The following SRGAP2B variants were observed in gnomAD, a reference collection of about 807,000 sequenced individuals.
The protein encoded by SRGAP2B is SLIT-ROBO Rho GTPase activating protein 2B.
SRGAP2B carries 9 observed loss-of-function variants against 22.2 expected under a neutral mutation model. The observed-to-expected ratio is 0.41, with a 90% CI of 0.24 to 0.71. The LOEUF (loss-of-function observed/expected upper bound fraction) is 0.71, where lower values mean the gene tolerates loss of function less well. Among genes scored for constraint, SRGAP2B ranks in the 30% least tolerant of loss-of-function variants. The pLI is 0.35. For missense variants in SRGAP2B, 114 were observed against 235.8 expected, an observed-to-expected ratio of 0.48 and a Z score of 3.38; for synonymous variants, 36 against 87.4, an observed-to-expected ratio of 0.41 and a Z score of 3.28.
chr1:144,934,302 G>A lies in SRGAP2B; in HGVS notation c.424-19548C>T, dbSNP rs1444957471. 5.4e-5 allele frequency among the ~76,000 whole-genome samples: 8 copies of A among 148,154 alleles called. 1 individual carries two copies. Among genetic ancestry groups the A allele is most frequent in the Non-Finnish European group, 1.5e-5 (1 of 67,678 alleles). The stretch of plus-strand genomic sequence containing the variant: ...TACTATAATCCCAGCTACTCGGGAG[G>A]CTGAGGCAAGAGAATCACTTGAACC... On this transcript the variant is annotated intron_variant, in intron 4 of 9. Transcript: ENST00000612199.
At chr1:144,911,989 T>C (rs1168634709) in intron 5 of SRGAP2B, among the ~76,000 whole-genome samples, 49 of 113,460 alleles carry the variant, frequency 4.3e-4, no homozygotes, top group Middle Eastern at 0.014. Flanking sequence ...CTCGCTCTGT[T>C]GCCCAGGCTG....
intron 4 of SRGAP2B, among the ~76,000 whole-genome samples, chr1:144,925,098 G>A (rs1194976511): frequency 1.3e-5 from 2 of 148,906 alleles, no homozygotes; most frequent in East Asian, 3.9e-4. Context: ...CGCCTCCTGG[G>A]TTCAAGTGAT....
chr1:144,964,805 G>A (rs1553611860), intron 3 of SRGAP2B, among the ~76,000 whole-genome samples: 1 of 150,626 alleles, frequency 6.6e-6, no homozygotes, highest in Admixed American at 6.6e-5. Flanking sequence ...TGTACTCCTG[G>A]CTACTCGGGA....
chr1:144,920,301 T>G (rs1355807753), intron 4 of SRGAP2B, among the ~76,000 whole-genome samples: 1 of 150,626 alleles, frequency 6.6e-6, no homozygotes, highest in Non-Finnish European at 1.5e-5. Flanking sequence ...GGTCTTGCTC[T>G]ATTGCCCAGG....
intron 3 of SRGAP2B, among the ~76,000 whole-genome samples, chr1:144,984,365 C>CAAAAAAA (rs57268593): frequency 8.7e-5 from 11 of 126,408 alleles, no homozygotes; most frequent in Non-Finnish European, 1.5e-4. Context: ...ACAACAACAA[C>CAAAAAAA]AAAAAAAAAA....
chr1:144,943,846 A>G (rs1666259686), intron 4 of SRGAP2B, among the ~76,000 whole-genome samples: 1 of 149,902 alleles, frequency 6.7e-6, no homozygotes, highest in Non-Finnish European at 1.5e-5. Context: ...TAAAACTAAA[A>G]GTCTCATGTC....
intron 2 of SRGAP2B, among the ~76,000 whole-genome samples, chr1:145,068,227 A>G (rs1349945568): frequency 7.0e-6 from 1 of 143,174 alleles, no homozygotes; most frequent in Non-Finnish European, 1.5e-5. Context: ...AAAAAAAAAA[A>G]CAAATACAGC....
intron 3 of SRGAP2B, among the ~76,000 whole-genome samples, chr1:144,963,950 C>A (rs1553611682): frequency 6.6e-6 from 1 of 150,650 alleles, no homozygotes; most frequent in Non-Finnish European, 1.5e-5. Context: ...AAACACCCGT[C>A]CCTGGGACAA....
intron 2 of SRGAP2B, among the ~76,000 whole-genome samples, chr1:145,068,325 T>C (rs1418756743): frequency 1.4e-5 from 2 of 143,382 alleles, no homozygotes; most frequent in Non-Finnish European, 3.0e-5. Flanking sequence ...GCATACATAA[T>C]CATGTGTTGA....
At chr1:144,973,041 G>A (rs1160969632) in intron 3 of SRGAP2B, among the ~76,000 whole-genome samples, 1 of 142,074 alleles carries the variant, frequency 7.0e-6, no homozygotes, top group Non-Finnish European at 1.5e-5. Context: ...TCAGGAGGCA[G>A]AGGTTGCAGT....
In SRGAP2B at chr1:145,073,127, C is replaced by T. The variant is rs587646415; in HGVS notation, c.67+19708G>A. 2.9e-4 allele frequency among the ~76,000 whole-genome samples: 44 copies of T among 150,510 alleles called. 4 individuals carry two copies. Among genetic ancestry groups the T allele is most frequent in the African/African-American group, 7.2e-4 (29 of 40,308 alleles). On this transcript the variant is annotated intron_variant, in intron 2 of 9. Transcript: ENST00000612199. ...TGCTATTAATTCCTGCACACAAACA[C>T]GAAGCCCCTTCAAGGGAGAATATTT...
intron 4 of SRGAP2B, among the ~76,000 whole-genome samples, chr1:144,951,096 C>T (rs1362569740): frequency 2.6e-5 from 4 of 150,982 alleles, no homozygotes; most frequent in Non-Finnish European, 5.9e-5. Flanking sequence ...GATCTGCCCA[C>T]CTTGGCCTCC....
At position 145,006,887 on chromosome 1, in the gene SRGAP2B, G is replaced by A. The variant is rs587723975; in HGVS notation, c.68-11687C>T. On this transcript the variant is annotated intron_variant, in intron 2 of 9. Coordinates refer to ENST00000612199, the Ensembl canonical transcript of SRGAP2B. ...CCCAGGGAGATTAGTTCACAGCAAAGCTGAGTGATTAAGAGGATAGACCGC... is the reference window on the plus strand; with the variant it reads ...CCCAGGGAGATTAGTTCACAGCAAAACTGAGTGATTAAGAGGATAGACCGC... 1.9e-3 allele frequency among the ~76,000 whole-genome samples: 291 copies of A among 150,908 alleles called. 4 individuals are homozygous for A. The Middle Eastern group carries it at 0.024, about 12-fold the overall frequency.
rs1653816339 is a variant in SRGAP2B at position 145,089,951 on chromosome 1, C to G, written c.67+2884G>C. Reference sequence around the variant, plus strand: ...CATTTTCCAAATAAGGAAACTGAGGCTCAGACAAGTCATGTAACTTGCCTG... The same window carrying G: ...CATTTTCCAAATAAGGAAACTGAGGGTCAGACAAGTCATGTAACTTGCCTG... On this transcript the variant is annotated intron_variant, in intron 2 of 9. Transcript: ENST00000612199. 2.1e-5 allele frequency among the ~76,000 whole-genome samples: 3 copies of G among 145,576 alleles called. No homozygotes were observed. The South Asian group carries it at 6.4e-4, about 31-fold the overall frequency.
At chr1:145,080,206 G>T (rs587699287) in intron 2 of SRGAP2B, among the ~76,000 whole-genome samples, 1 of 149,266 alleles carries the variant, frequency 6.7e-6, no homozygotes, top group Non-Finnish European at 1.5e-5. Context: ...GAAGTCCAAA[G>T]TTTAATAGTT....
At chr1:145,022,554 G>A (rs1647264476) in intron 2 of SRGAP2B, among the ~76,000 whole-genome samples, 1 of 146,196 alleles carries the variant, frequency 6.8e-6, no homozygotes, top group African/African-American at 2.7e-5. Context: ...TGCCATCAGT[G>A]ACCAAAGGGA....
At chr1:144,902,802 A>G (rs1662735180) in intron 7 of SRGAP2B, among the ~76,000 whole-genome samples, 1 of 122,780 alleles carries the variant, frequency 8.1e-6, no homozygotes, top group Non-Finnish European at 1.7e-5. Context: ...CTTTATTACT[A>G]CCTATGTAGC....
intron 2 of SRGAP2B, among the ~76,000 whole-genome samples, chr1:145,041,085 A>AG (rs1649190514): frequency 1.7e-5 from 2 of 117,014 alleles, no homozygotes; most frequent in African/African-American, 7.3e-5. Flanking sequence ...GTATATATAT[A>AG]TATATATATA....
chr1:145,088,433 A>G (rs1653629194), intron 2 of SRGAP2B, among the ~76,000 whole-genome samples: 1 of 138,208 alleles, frequency 7.2e-6, no homozygotes, highest in African/African-American at 2.8e-5. Context: ...TGGTGCACAC[A>G]CACTGTTCTC....
Sources: gnomAD v4.1 joint callset for allele counts (sites outside exome capture counted in the v4.1 genomes callset) on GRCh38, gnomAD v4.1.1 for gene constraint, MANE v1.5 for transcripts, NCBI Gene and HGNC (gene_info 2026-07-23, HGNC 2026-07-21) for gene names.